Variants in ELMO1 observed in about 807,000 individuals in gnomAD.
ELMO1 encodes engulfment and cell motility 1, also known as engulfment and cell motility protein 1.
A neutral mutation model predicts 98.9 loss-of-function variants in ELMO1; 26 were observed. The observed-to-expected ratio is 0.26, with a 90% confidence interval of 0.19 to 0.36. The LOEUF is 0.36. ELMO1 is among the 10% of genes least tolerant of loss of function. ELMO1 has a pLI of 1.00. For synonymous variants in ELMO1, 346 were observed against 346.0 expected, an observed-to-expected ratio of 1.00 and a Z score of 0.00; for missense variants, 627 against 935.2, an observed-to-expected ratio of 0.67 and a Z score of 4.30.
At chr7:37,392,779 T>C (rs1396682442) in intron 1 of ELMO1, among the ~76,000 whole-genome samples, 1 of 152,240 alleles carries the variant, frequency 6.6e-6, no homozygotes, top group Non-Finnish European at 1.5e-5. Context: ...AATCTGCTAG[T>C]CTGAGTACCA....
At chr7:37,047,877 T>G (rs999964283) in intron 15 of ELMO1, among the ~76,000 whole-genome samples, 1 of 152,144 alleles carries the variant, frequency 6.6e-6, no homozygotes, top group African/African-American at 2.4e-5. Flanking sequence ...TAAAAAAAAT[T>G]GTGACAGTTT....
intron 1 of ELMO1, among the ~76,000 whole-genome samples, chr7:37,371,013 G>A (rs1415641657): frequency 1.3e-5 from 2 of 152,102 alleles, no homozygotes; most frequent in East Asian, 3.8e-4. Context: ...ACAAACAAAT[G>A]TCTATCTCTC....
intron 15 of ELMO1, among the ~76,000 whole-genome samples, chr7:37,092,417 C>T (rs1019816457): frequency 2.5e-5 from 3 of 117,966 alleles, no homozygotes; most frequent in South Asian, 2.9e-4. Flanking sequence ...CTCGCTCTGT[C>T]GCCCAGGCTG....
At chr7:37,288,825 TA>T (rs1479685866) in intron 4 of ELMO1, among the ~76,000 whole-genome samples, 1 of 152,232 alleles carries the variant, frequency 6.6e-6, no homozygotes, top group Non-Finnish European at 1.5e-5. Context: ...TCTGGTTGTT[TA>T]TAAACATGAA....
At chr7:37,065,383 C>T (rs1017173524) in intron 15 of ELMO1, among the ~76,000 whole-genome samples, 4 of 152,266 alleles carry the variant, frequency 2.6e-5, no homozygotes, top group Middle Eastern at 3.4e-3. Context: ...CCTTCCATCC[C>T]TCCATGAGAA....
chr7:37,182,943 AG>A (rs1790974779), intron 13 of ELMO1, among the ~76,000 whole-genome samples: 1 of 152,228 alleles, frequency 6.6e-6, no homozygotes, highest in Non-Finnish European at 1.5e-5. Flanking sequence ...GCACTCCATA[AG>A]GATGGCTCAT....
intron 4 of ELMO1, among the ~76,000 whole-genome samples, chr7:37,305,048 T>G (rs1275677742): frequency 6.6e-6 from 1 of 152,140 alleles, no homozygotes; most frequent in African/African-American, 2.4e-5. Flanking sequence ...TCACAGAAGC[T>G]CTAAAGTTTT....
At chr7:36,890,766 T>C (rs73689677) in intron 17 of ELMO1, among the ~76,000 whole-genome samples, 13,588 of 152,222 alleles carry the variant, frequency 0.089, 827 homozygotes, top group East Asian at 0.28. Context: ...AGGGATTATT[T>C]AAACACCTAA....
At chr7:37,053,285 AACACACACACACACACACAC>A (rs59573752) in intron 15 of ELMO1, among the ~76,000 whole-genome samples, 7 of 138,788 alleles carry the variant, frequency 5.0e-5, no homozygotes, top group Admixed American at 7.2e-5. Context: ...CATTTGTTAA[AACACACACACACACACACAC>A]ACACACACAC....
At chr7:37,422,368 T>A (rs1804509871) in intron 1 of ELMO1, among the ~76,000 whole-genome samples, 1 of 152,148 alleles carries the variant, frequency 6.6e-6, no homozygotes. Flanking sequence ...GGCCAAGAGG[T>A]CGGAGTTATT....
intron 4 of ELMO1, among the ~76,000 whole-genome samples, chr7:37,291,680 C>T (rs1354613894): frequency 2.0e-5 from 3 of 152,130 alleles, no homozygotes; most frequent in Non-Finnish European, 4.4e-5. Context: ...TGTGGAAGGC[C>T]GAGGTGGGTG....
chr7:37,109,510 C>A (rs1218354026), intron 14 of ELMO1, among the ~76,000 whole-genome samples: 1 of 152,162 alleles, frequency 6.6e-6, no homozygotes, highest in Non-Finnish European at 1.5e-5. Context: ...CCACTCTGCA[C>A]TCCTCCGCCG....
chr7:36,890,695 A>G (rs1430007841), intron 17 of ELMO1, among the ~76,000 whole-genome samples: 1 of 152,122 alleles, frequency 6.6e-6, no homozygotes, highest in African/African-American at 2.4e-5. Context: ...TAGCTTTCCC[A>G]TTTGATTTCC....
At chr7:37,366,693 C>G (rs1467045549) in intron 1 of ELMO1, among the ~76,000 whole-genome samples, 1 of 152,210 alleles carries the variant, frequency 6.6e-6, no homozygotes, top group Non-Finnish European at 1.5e-5. Flanking sequence ...CCTCTGTAAT[C>G]TCCCCCCTGT....
chr7:37,303,669 C>G (rs980315336), intron 4 of ELMO1, among the ~76,000 whole-genome samples: 16 of 152,166 alleles, frequency 1.1e-4, no homozygotes, highest in African/African-American at 3.6e-4. Flanking sequence ...AAAGAAGTGC[C>G]TGTTTGGAGG....
intron 14 of ELMO1, among the ~76,000 whole-genome samples, chr7:37,127,666 G>A (rs984273549): frequency 1.3e-5 from 2 of 152,174 alleles, no homozygotes; most frequent in Admixed American, 1.3e-4. Flanking sequence ...ATATTACCAT[G>A]AAGAATTACA....
intron 14 of ELMO1, among the ~76,000 whole-genome samples, chr7:37,130,742 C>T (rs1464270508): frequency 7.1e-6 from 1 of 140,810 alleles, no homozygotes; most frequent in Non-Finnish European, 1.5e-5. Flanking sequence ...AATATTTGTG[C>T]ATATATACAT....
intron 2 of ELMO1, among the ~76,000 whole-genome samples, chr7:37,326,148 A>G (rs1799790101): frequency 6.6e-6 from 1 of 152,220 alleles, no homozygotes; most frequent in South Asian, 2.1e-4. Context: ...TATTCTGACA[A>G]CAGTTGCTGT....
At chr7:37,376,945 C>T (rs1326473261) in intron 1 of ELMO1, among the ~76,000 whole-genome samples, 2 of 152,140 alleles carry the variant, frequency 1.3e-5, no homozygotes, top group Non-Finnish European at 2.9e-5. Context: ...AATCCATTAC[C>T]AATGCTCCTG....
Sources: gnomAD v4.1 joint callset for allele counts (sites outside exome capture counted in the v4.1 genomes callset) on GRCh38, gnomAD v4.1.1 for gene constraint, MANE v1.5 for transcripts, NCBI Gene and HGNC (gene_info 2026-07-23, HGNC 2026-07-21) for gene names.